RUNDC1: variants seen among roughly 807,000 people sequenced by gnomAD.
The protein encoded by RUNDC1 is RUN domain containing 1.
In RUNDC1, 31 loss-of-function variants were observed where a neutral mutation model predicts 49.3. That is an observed-to-expected ratio of 0.63 (90% CI 0.47 to 0.85). RUNDC1 has a LOEUF of 0.85. RUNDC1 is among the 40% of genes least tolerant of loss of function. The pLI is 0.00. For missense variants in RUNDC1, 715 were observed against 806.7 expected, an observed-to-expected ratio of 0.89 and a Z score of 1.38; for synonymous variants, 347 against 348.6, an observed-to-expected ratio of 1.00 and a Z score of 0.05.
At position 42,987,330 on chromosome 17, in the gene RUNDC1, C is replaced by T. The variant is rs1456708254; in HGVS notation, c.573C>T (p.Thr191=). The change falls in exon 2 of 5, where the codon ACC becomes ACT. Residue 191 remains threonine, a synonymous_variant. Transcript: ENST00000361677. ...AAGAACTGATACTGCAGCTCAAGAC[C>T]CAGCTAGATGACCTGGAAACGTTTG... ...KQKELILQLK[T]QLDDLETFAY... The T allele has an allele frequency of 6.2e-7, 1 of 1,613,788 alleles. No individual in the cohort carries two copies. The highest frequency in any genetic ancestry group is 1.3e-5 in the African/African-American group (1 of 74,898).
At position 42,993,696 on chromosome 17, in the gene RUNDC1, ATCCTCTG is replaced by A. The variant is rs1477990738; in HGVS notation, c.*1989_*1995del. 20 of 152,250 alleles carry A rather than the reference ATCCTCTG, an allele frequency of 1.3e-4. No individual in the cohort carries two copies. The highest frequency in any genetic ancestry group is 4.3e-4 in the African/African-American group (18 of 41,536). 9.4% of individuals were successfully genotyped at this position (152,250 alleles called of 1,614,324 possible). A position where few individuals can be genotyped will look rare whatever the true frequency, so the allele number is the denominator to read the frequency against. ...CAATATTTTTTTGAAAACTGCCTGT[ATCCTCTG>A]TCCTCTGTTACGGATCATCTCAGCT... On this transcript the variant is annotated 3_prime_UTR_variant, in exon 5 of 5. Coordinates refer to ENST00000361677, the MANE Select transcript of RUNDC1 (RefSeq NM_173079.5).
rs1034358055 is a variant in RUNDC1, at chr17:42,994,612, G to C, written c.*2896G>C. On this transcript the variant is annotated 3_prime_UTR_variant, in exon 5 of 5. Coordinates refer to ENST00000361677, the MANE Select transcript of RUNDC1 (RefSeq NM_173079.5). ...GAAGGTATTTTCTACACAACTGCCA[G>C]AAATTTCAGCTGCCAAAGGACAAGG... Among the ~76,000 whole-genome samples, 16 of 152,158 alleles carry C rather than the reference G, an allele frequency of 1.1e-4. No homozygotes were observed. Among genetic ancestry groups the C allele is most frequent in the African/African-American group, 2.9e-4 (12 of 41,426 alleles).
intron 1 of RUNDC1, chr17:42,985,598 T>G: frequency 2.7e-6 from 1 of 366,842 alleles, no homozygotes; most frequent in Non-Finnish European, 3.1e-6. Context: ...TAATTTGTTG[T>G]TTTCTTTTTT....
rs1186571727 is a variant in RUNDC1 at position 42,981,142 on chromosome 17, C to T, written c.498+68C>T. 11 of 1,478,182 alleles carry T rather than the reference C, an allele frequency of 7.4e-6. No individual in the cohort carries two copies. The South Asian group carries it at 1.3e-4, about 17-fold the overall frequency. The allele number at this position is 1,478,182 out of a possible 1,614,324, so 91.6% of individuals were successfully genotyped here. A position where few individuals can be genotyped will look rare whatever the true frequency, so the allele number is the denominator to read the frequency against. ...GGGTCGTGTGGGTGGCGATCCAGACCCGGATGATGGTGCATGCGGGGAGAA... is the reference window on the plus strand; with the variant it reads ...GGGTCGTGTGGGTGGCGATCCAGACTCGGATGATGGTGCATGCGGGGAGAA... On this transcript the variant is annotated intron_variant, in intron 1 of 4. Coordinates refer to ENST00000361677, the MANE Select transcript of RUNDC1 (RefSeq NM_173079.5).
intron 1 of RUNDC1, among the ~76,000 whole-genome samples, chr17:42,985,484 C>A (rs12944462): frequency 0.6 from 91,008 of 151,974 alleles, 29,645 homozygotes; most frequent in East Asian, 0.84. Flanking sequence ...TATGCAACTG[C>A]GCTCTGAAAG....
chr17:42,985,631 CTCAT>C lies in RUNDC1; in HGVS notation c.499-1623_499-1620del. 5.6e-5 allele frequency: 18 copies of C among 320,060 alleles called. 1 individual carries two copies. Among genetic ancestry groups the C allele is most frequent in the East Asian group, 4.7e-4 (1 of 2,122 alleles). 19.8% of individuals were successfully genotyped at this position (320,060 alleles called of 1,614,324 possible). On this transcript the variant is annotated intron_variant, in intron 1 of 4. Transcript: ENST00000361677. ...TTTTTTTTTTTTTCATTTCTTCTCT[CTCAT>C]TACTTACTTCTTCAGGGCTTGGTAA...
rs912828800 is a variant in RUNDC1, at chr17:42,993,885, A to G, written c.*2169A>G. Among the ~76,000 whole-genome samples, 1 of 151,736 alleles carries G rather than the reference A, an allele frequency of 6.6e-6. No individual in the cohort carries two copies. Among genetic ancestry groups the G allele is most frequent in the Admixed American group, 6.6e-5 (1 of 15,230 alleles). ...TGGAGACCTTTTTTTTTTGAGATGG[A>G]GTCTCGCTCTGTTGTCCAGGCTGGA... On this transcript the variant is annotated 3_prime_UTR_variant, in exon 5 of 5. Coordinates refer to ENST00000361677, the MANE Select transcript of RUNDC1 (RefSeq NM_173079.5).
intron 1 of RUNDC1, among the ~76,000 whole-genome samples, chr17:42,984,286 T>G (rs933647055): frequency 2.7e-5 from 4 of 150,848 alleles, no homozygotes; most frequent in South Asian, 4.2e-4. Context: ...CCCAGTTTTT[T>G]TTTTTTTTTT....
At chr17:42,982,620 C>T (rs555550795) in intron 1 of RUNDC1, among the ~76,000 whole-genome samples, 4 of 152,212 alleles carry the variant, frequency 2.6e-5, no homozygotes, top group Non-Finnish European at 5.9e-5. Context: ...TGACACATTG[C>T]ATGCCTGTAG....
intron 1 of RUNDC1, among the ~76,000 whole-genome samples, chr17:42,986,785 T>C (rs555092895): frequency 6.6e-6 from 1 of 152,018 alleles, no homozygotes; most frequent in Non-Finnish European, 1.5e-5. Flanking sequence ...AGGCGTGAGC[T>C]ACCGGGCCCG....
Position 42,991,569 on chromosome 17 carries a change from C to T in RUNDC1, c.1695C>T (p.Ile565=), listed in dbSNP as rs2050244054. ...VNLICKSGSL[I]EPHYQPWSYM... is the part of the protein sequence containing the mutation. ...TCATCTGCAAGTCCGGGTCACTCATCGAGCCTCACTACCAGCCCTGGAGCT... is the reference window on the plus strand; with the variant it reads ...TCATCTGCAAGTCCGGGTCACTCATTGAGCCTCACTACCAGCCCTGGAGCT... The change falls in exon 5 of 5, where the codon ATC becomes ATT. Residue 565 remains isoleucine (I), a synonymous_variant. Transcript: ENST00000361677. 1.9e-6 allele frequency: 3 copies of T among 1,614,142 alleles called. No homozygotes were observed. Among genetic ancestry groups the T allele is most frequent in the South Asian group, 1.1e-5 (1 of 91,078 alleles).
At chr17:42,983,375 C>CTTTTTT (rs1179147349) in intron 1 of RUNDC1, among the ~76,000 whole-genome samples, 2 of 129,554 alleles carry the variant, frequency 1.5e-5, no homozygotes, top group Non-Finnish European at 1.6e-5. Context: ...TTTCTTTTTC[C>CTTTTTT]TTTTTTTTTT....
rs568218515 is a variant in RUNDC1, at chr17:42,980,876, C to T, written c.300C>T (p.His100=). 8.4e-5 allele frequency: 126 copies of T among 1,495,286 alleles called. No individual in the cohort carries two copies. In the African/African-American group the frequency reaches 1.7e-3, roughly 21 times the overall value. The allele number at this position is 1,495,286 out of a possible 1,614,324, so 92.6% of individuals were successfully genotyped here. ...CGGCGCTGCTGGCGCTGTCCTCGCA[C>T]TTCGCGCAGGTGCAGTTCCGCCTGC... ...LDSALLALSS[H]FAQVQFRLRQ... Residue 100 remains histidine, a synonymous_variant, in exon 1 of 5, where the codon CAC becomes CAT. Coordinates refer to ENST00000361677, the MANE Select transcript of RUNDC1 (RefSeq NM_173079.5).
chr17:42,989,485 G>T lies in RUNDC1; in HGVS notation c.802G>T (p.Glu268Ter). The T allele has an allele frequency of 1.2e-6, 2 of 1,614,150 alleles. No homozygotes were observed. Among genetic ancestry groups the T allele is most frequent in the Non-Finnish European group, 1.7e-6 (2 of 1,180,026 alleles). Residue 268 changes from glutamate (E) to a stop codon, truncating the protein, a stop_gained, in exon 3 of 5, where the codon GAG becomes TAG. Transcript: ENST00000361677. LOFTEE classifies it high-confidence loss of function. ...NPARVKEQLVEQLKTQIRDLE... is the reference protein window; with the variant it reads ...NPARVKEQLV ...AGCCCGAGTCAAAGAACAGTTGGTT[G>T]AGCAACTGAAAACTCAGATCCGAGA...
At chr17:42,989,225 A>C in intron 2 of RUNDC1, 116 bp from the exon 3 acceptor site, 2 of 727,654 alleles carry the variant, frequency 2.7e-6, no homozygotes, top group Non-Finnish European at 4.7e-6. Context: ...ACTTTCACAA[A>C]TTTAGAGGTC....
At chr17:42,982,969 C>T (rs1016093199) in intron 1 of RUNDC1, among the ~76,000 whole-genome samples, 5 of 139,566 alleles carry the variant, frequency 3.6e-5, no homozygotes, top group Non-Finnish European at 7.7e-5. Flanking sequence ...CCTGGGGCAA[C>T]AAGAGTGAAA....
In RUNDC1 at chr17:42,981,089, C is replaced by T; in HGVS notation, c.498+15C>T. 2 of 1,550,842 alleles carry T rather than the reference C, an allele frequency of 1.3e-6. No individual in the cohort carries two copies. The highest frequency in any genetic ancestry group is 1.8e-5 in the Admixed American group (1 of 54,282). On this transcript the variant is annotated intron_variant, in intron 1 of 4. Coordinates refer to ENST00000361677, the MANE Select transcript of RUNDC1 (RefSeq NM_173079.5). ...GCGAGGACCAGGTGAGTGGCTGGAG[C>T]CGGGCCGCGAGGAATATGGGAATAG...
intron 3 of RUNDC1, among the ~76,000 whole-genome samples, chr17:42,989,946 A>G (rs1036602733): frequency 1.3e-5 from 2 of 152,156 alleles, no homozygotes; most frequent in African/African-American, 4.8e-5. Flanking sequence ...AAAGGTGCCA[A>G]TTCTTGATGT....
Position 42,980,684 on chromosome 17 carries a change from G to A in RUNDC1, c.108G>A (p.Glu36=). The A allele has an allele frequency of 6.4e-7, 1 of 1,573,756 alleles. No homozygotes were observed. Among genetic ancestry groups the A allele is most frequent in the Non-Finnish European group, 8.6e-7 (1 of 1,162,944 alleles). Residue 36 remains glutamate (E), a synonymous_variant, in exon 1 of 5, where the codon GAG becomes GAA. Transcript: ENST00000361677. ...EEEEEPLPPC[E]AVRWAPVGAV... ...AAGAGGAGCCGCTGCCACCGTGCGA[G>A]GCGGTGCGCTGGGCCCCAGTGGGGG... is the stretch of plus-strand genomic sequence containing the variant.
Sources: gnomAD v4.1 joint callset for allele counts (sites outside exome capture counted in the v4.1 genomes callset) on GRCh38, gnomAD v4.1.1 for gene constraint, MANE v1.5 for transcripts, NCBI Gene and HGNC (gene_info 2026-07-23, HGNC 2026-07-21) for gene names.